HDAC9: variants seen among roughly 807,000 people sequenced by gnomAD.
HDAC9 encodes the protein MEF-2 interacting transcription repressor (MITR) protein.
Under a neutral mutation model 139.4 loss-of-function variants are expected in HDAC9, and 41 were observed. That is an observed-to-expected ratio of 0.29 (90% CI 0.23 to 0.38). The LOEUF is 0.38. HDAC9 is among the 10% of genes least tolerant of loss of function. The probability of loss-of-function intolerance (pLI) is 1.00; values close to 1 mark genes in which losing one functional copy is unlikely to be tolerated. For synonymous variants in HDAC9, 517 were observed against 476.2 expected (o/e 1.09, Z -1.12); for missense variants, 1,147 against 1,297.0 (o/e 0.88, Z 1.78).
intron 25 of HDAC9, among the ~76,000 whole-genome samples, chr7:18,985,819 A>G (rs1785300054): frequency 7.5e-6 from 1 of 133,222 alleles, no homozygotes. Context: ...TCTGATGGCC[A>G]GTGATGGTGA....
intron 22 of HDAC9, among the ~76,000 whole-genome samples, chr7:18,883,588 A>G (rs1482058138): frequency 6.6e-6 from 1 of 152,158 alleles, no homozygotes; most frequent in African/African-American, 2.4e-5. Context: ...ATCATACTCA[A>G]TGGTGAAAAA....
chr7:18,849,251 G>C (rs905848554), intron 21 of HDAC9, among the ~76,000 whole-genome samples: 1 of 151,976 alleles, frequency 6.6e-6, no homozygotes, highest in Non-Finnish European at 1.5e-5. Flanking sequence ...CATATTCTAC[G>C]GACTGTCTTC....
intron 13 of HDAC9, among the ~76,000 whole-genome samples, chr7:18,745,556 T>C (rs1284837013): frequency 7.7e-6 from 1 of 130,160 alleles, no homozygotes. Context: ...TTTTTTTTTT[T>C]TGAGACGGAG....
At chr7:18,476,092 TC>T (rs1276947062) in intron 1 of HDAC9, among the ~76,000 whole-genome samples, 2 of 152,214 alleles carry the variant, frequency 1.3e-5, no homozygotes, top group Non-Finnish European at 2.9e-5. Context: ...AAGACTCCTC[TC>T]TATTATAGTC....
intron 9 of HDAC9, among the ~76,000 whole-genome samples, chr7:18,646,471 T>G (rs1174225028): frequency 6.6e-6 from 1 of 152,164 alleles, no homozygotes. Flanking sequence ...TTTTCAAGTT[T>G]AGCATTGCTT....
At chr7:18,125,517 GATAAA>G (rs1305597469) in intron 1 of HDAC9, among the ~76,000 whole-genome samples, 1 of 151,944 alleles carries the variant, frequency 6.6e-6, no homozygotes, top group African/African-American at 2.4e-5. Flanking sequence ...CTTAAGTGAT[GATAAA>G]ATAAATTCTG....
At position 18,104,111 on chromosome 7, in the gene HDAC9, C is replaced by T. The variant is rs926284091; in HGVS notation, c.-97+16898C>T. 2.0e-4 allele frequency among the ~76,000 whole-genome samples: 30 copies of T among 152,272 alleles called. 1 individual carries two copies. Among genetic ancestry groups the T allele is most frequent in the Middle Eastern group, 3.4e-3 (1 of 294 alleles). ...AGTACCCAGAGAAAACCCGTGCAGACAAGGGGAGCATGTGCAAACTCTATG... is the reference window on the plus strand; with the variant it reads ...AGTACCCAGAGAAAACCCGTGCAGATAAGGGGAGCATGTGCAAACTCTATG... On this transcript the variant is annotated intron_variant, in intron 1 of 12. Coordinates refer to the HDAC9 transcript ENST00000417496.
At chr7:18,856,972 A>G (rs536442827) in intron 21 of HDAC9, among the ~76,000 whole-genome samples, 1 of 152,274 alleles carries the variant, frequency 6.6e-6, no homozygotes, top group African/African-American at 2.4e-5. Context: ...GCAGTTATTC[A>G]GTCTGTTCAT....
upstream of HDAC9, among the ~76,000 whole-genome samples, chr7:18,493,567 T>G (rs1043146194): frequency 6.6e-6 from 1 of 151,932 alleles, no homozygotes; most frequent in African/African-American, 2.4e-5. Context: ...TCAATGATTG[T>G]TTTTCTTAAT....
At chr7:18,619,798 C>G (rs1200355235) in intron 6 of HDAC9, among the ~76,000 whole-genome samples, 4 of 152,152 alleles carry the variant, frequency 2.6e-5, no homozygotes, top group Non-Finnish European at 5.9e-5. Context: ...CATACTTAAT[C>G]TCCATTCTTT....
rs1795602603 is a variant in HDAC9 at position 18,828,295 on chromosome 7, A to G, written c.2323-866A>G. Among the ~76,000 whole-genome samples, 5 of 152,186 alleles carry G rather than the reference A, an allele frequency of 3.3e-5. No individual in the cohort carries two copies. In the South Asian group the frequency reaches 1.0e-3, roughly 31 times the overall value. On this transcript the variant is annotated intron_variant, in intron 17 of 25. Coordinates refer to ENST00000686413, the MANE Select transcript of HDAC9 (RefSeq NM_178425.4). ...CTTTTGAGCATGTTACTTGAACCAT[A>G]GTTGAGTGAAAGGTGGTGTGAACCA... is the stretch of plus-strand genomic sequence containing the variant.
intron 22 of HDAC9, among the ~76,000 whole-genome samples, chr7:18,907,187 G>A (rs1382003309): frequency 6.6e-6 from 1 of 152,164 alleles, no homozygotes; most frequent in Non-Finnish European, 1.5e-5. Flanking sequence ...GCATGGAAAG[G>A]TGTATTTTTT....
intron 24 of HDAC9, among the ~76,000 whole-genome samples, chr7:18,959,202 G>A (rs949872472): frequency 1.3e-5 from 2 of 152,064 alleles, no homozygotes; most frequent in Non-Finnish European, 2.9e-5. Context: ...GGGAGGGGAG[G>A]AACCATGAAG....
chr7:18,951,514 A>G (rs1032372512), intron 23 of HDAC9, among the ~76,000 whole-genome samples: 1 of 151,946 alleles, frequency 6.6e-6, no homozygotes, highest in Non-Finnish European at 1.5e-5. Context: ...CAGAAATGGC[A>G]TGACGGGTGT....
chr7:18,272,927 TAC>T (rs1796450680), intron 2 of HDAC9, among the ~76,000 whole-genome samples: 1 of 50,426 alleles, frequency 2.0e-5, no homozygotes, highest in Non-Finnish European at 5.2e-5. Context: ...CTACTACTAC[TAC>T]TACTACTACT....
upstream of HDAC9, among the ~76,000 whole-genome samples, chr7:18,492,787 G>A (rs1796465589): frequency 6.6e-6 from 1 of 151,808 alleles, no homozygotes; most frequent in Admixed American, 6.6e-5. Context: ...GAGATGATGT[G>A]GGAAGAATTA....
chr7:18,993,330 A>G (rs1049720883), intron 25 of HDAC9, among the ~76,000 whole-genome samples: 3 of 152,196 alleles, frequency 2.0e-5, no homozygotes, highest in Non-Finnish European at 4.4e-5. Flanking sequence ...AGGGCAAGTA[A>G]GGGATTATTA....
rs545996546 is a variant in HDAC9, at chr7:18,942,220, G to A, written c.2937+6278G>A. 5.9e-5 allele frequency among the ~76,000 whole-genome samples: 9 copies of A among 152,064 alleles called. No homozygotes were observed. In the South Asian group the frequency reaches 1.0e-3, roughly 18 times the overall value. On this transcript the variant is annotated intron_variant, in intron 23 of 25. Coordinates refer to ENST00000686413, the MANE Select transcript of HDAC9 (RefSeq NM_178425.4). ...ACCATTGTTTTTAACTACAGAGATC[G>A]AGGAATATTTTAACATTTAATTGGT...
At chr7:18,523,050 C>T (rs546264036) in intron 2 of HDAC9, among the ~76,000 whole-genome samples, 2 of 151,996 alleles carry the variant, frequency 1.3e-5, no homozygotes, top group Non-Finnish European at 2.9e-5. Context: ...GCCTGGGAAG[C>T]CTTTCAAAGG....
Sources: allele counts gnomAD v4.1 joint callset (sites outside exome capture counted in the v4.1 genomes callset), GRCh38; gene constraint gnomAD v4.1.1; transcripts MANE v1.5; gene names NCBI Gene and HGNC (gene_info 2026-07-23, HGNC 2026-07-21).